The following SCARA5 variants were observed in gnomAD, a reference collection of about 807,000 sequenced individuals.
SCARA5 encodes scavenger receptor class A member 5, also known as scavenger receptor class A, member 5 (putative).
A neutral mutation model predicts 46.3 loss-of-function variants in SCARA5; 45 were observed. That is an observed-to-expected ratio of 0.97 (90% CI 0.76 to 1.24). SCARA5 has a LOEUF of 1.24. Among genes scored for constraint, SCARA5 ranks in the 50% most tolerant of loss-of-function variants. The pLI, the probability that SCARA5 is intolerant of heterozygous loss-of-function variation, is 0.00. For synonymous variants in SCARA5, 333 were observed against 306.5 expected (o/e 1.09, Z -0.90); for missense variants, 680 against 689.0 (o/e 0.99, Z 0.15).
At chr8:27,879,494 C>A (rs1163146593) in intron 8 of SCARA5, 75 bp downstream of exon 8, 5 of 1,429,766 alleles carry the variant, frequency 3.5e-6, no homozygotes, top group Non-Finnish European at 4.8e-6. Context: ...GGAAGGGACT[C>A]GGGCTTTGGA....
rs373060793 is a variant in SCARA5, at chr8:27,923,497, GC to G, written c.242-1253del. Among the ~76,000 whole-genome samples, 404 of 152,318 alleles carry G rather than the reference GC, an allele frequency of 2.7e-3. 2 individuals carry two copies. The highest frequency in any genetic ancestry group is 9.1e-3 in the African/African-American group (380 of 41,576). On this transcript the variant is annotated intron_variant, in intron 3 of 8. Coordinates refer to ENST00000354914, the MANE Select transcript of SCARA5 (RefSeq NM_173833.6). ...GGACAGACACAATCCAATGAAGACT[GC>G]TTTTATATTGATATGCTCCTTCTCT... is the stretch of plus-strand genomic sequence containing the variant.
At chr8:27,914,751 CT>C (rs1807434113) in intron 4 of SCARA5, among the ~76,000 whole-genome samples, 1 of 152,180 alleles carries the variant, frequency 6.6e-6, no homozygotes, top group Admixed American at 6.5e-5. Context: ...CCTGGGGTCC[CT>C]GCTCAGGCTT....
chr8:27,917,814 G>A (rs74888938), intron 4 of SCARA5, among the ~76,000 whole-genome samples: 14 of 152,204 alleles, frequency 9.2e-5, no homozygotes, highest in African/African-American at 2.6e-4. Context: ...TCCCTGCTAG[G>A]GGCAAGGGAG....
intron 3 of SCARA5, among the ~76,000 whole-genome samples, chr8:27,953,313 T>A (rs113270652): frequency 0.025 from 3,838 of 152,266 alleles, 151 homozygotes; most frequent in African/African-American, 0.087. Flanking sequence ...GAGGATGCGG[T>A]GGGCCACCCA....
chr8:27,890,964 G>C (rs1277764605), intron 7 of SCARA5, among the ~76,000 whole-genome samples: 1 of 152,172 alleles, frequency 6.6e-6, no homozygotes, highest in Non-Finnish European at 1.5e-5. Flanking sequence ...GGTGAGGGGA[G>C]CCCAGGGCAG....
chr8:27,907,047 C>T, intron 6 of SCARA5, 101 bp downstream of exon 6: 1 of 765,658 alleles, frequency 1.3e-6, no homozygotes, highest in Non-Finnish European at 2.1e-6. Context: ...CCCCGCTGGT[C>T]CGTGGCACAG....
intron 8 of SCARA5, among the ~76,000 whole-genome samples, chr8:27,872,308 G>T (rs1316623172): frequency 1.3e-5 from 2 of 152,214 alleles, no homozygotes. Flanking sequence ...TATCAGCTAT[G>T]TGTCAGAAGC....
At chr8:27,877,661 C>T (rs1413010893) in intron 8 of SCARA5, among the ~76,000 whole-genome samples, 3 of 152,224 alleles carry the variant, frequency 2.0e-5, no homozygotes, top group Non-Finnish European at 2.9e-5. Flanking sequence ...TCAACAACAA[C>T]GGTGGTTTTC....
intron 5 of SCARA5, among the ~76,000 whole-genome samples, chr8:27,908,032 C>T (rs1464410228): frequency 2.6e-5 from 4 of 151,972 alleles, no homozygotes; most frequent in Non-Finnish European, 4.4e-5. Context: ...TAAGTAACTG[C>T]CCAAGGTCAC....
At chr8:27,943,963 C>T (rs932158907) in intron 3 of SCARA5, among the ~76,000 whole-genome samples, 2 of 152,170 alleles carry the variant, frequency 1.3e-5, no homozygotes, top group African/African-American at 4.8e-5. Context: ...TTACCATTAC[C>T]AGTACAGGAA....
At chr8:27,906,252 G>C (rs561998004) in intron 6 of SCARA5, among the ~76,000 whole-genome samples, 95 of 152,336 alleles carry the variant, frequency 6.2e-4, no homozygotes, top group Middle Eastern at 3.4e-3. Flanking sequence ...CCTGGGGAAA[G>C]AGCATCAGAT....
chr8:27,947,708 TAAAAA>T (rs34760183), intron 3 of SCARA5, among the ~76,000 whole-genome samples: 1 of 112,910 alleles, frequency 8.9e-6, no homozygotes, highest in Non-Finnish European at 1.8e-5. Flanking sequence ...GTGTCTCTAC[TAAAAA>T]AAAAAAAAAA....
intron 3 of SCARA5, among the ~76,000 whole-genome samples, chr8:27,923,300 G>A (rs1807629928): frequency 6.6e-6 from 1 of 152,212 alleles, no homozygotes; most frequent in South Asian, 2.1e-4. Context: ...CTCACGTGCT[G>A]TGCCAACAGC....
chr8:27,927,493 G>T (rs1807699956), intron 3 of SCARA5, among the ~76,000 whole-genome samples: 1 of 151,936 alleles, frequency 6.6e-6, no homozygotes, highest in African/African-American at 2.4e-5. Flanking sequence ...TGATTTCTGG[G>T]TTTTTTCCCA....
At chr8:27,945,428 C>T (rs187835698) in intron 3 of SCARA5, among the ~76,000 whole-genome samples, 20 of 152,286 alleles carry the variant, frequency 1.3e-4, no homozygotes, top group Non-Finnish European at 1.3e-4. Context: ...ATTAATTGAC[C>T]AGGTCTAAGC....
chr8:27,976,828 G>T (rs1808531314), intron 2 of SCARA5, among the ~76,000 whole-genome samples: 1 of 152,110 alleles, frequency 6.6e-6, no homozygotes. Flanking sequence ...TGGGGATGAG[G>T]CGCCCTAGGA....
chr8:27,950,226 C>G (rs575941715), intron 3 of SCARA5, among the ~76,000 whole-genome samples: 1 of 152,166 alleles, frequency 6.6e-6, no homozygotes, highest in African/African-American at 2.4e-5. Flanking sequence ...GACACCCACA[C>G]GCTCTTTGCC....
intron 2 of SCARA5, among the ~76,000 whole-genome samples, chr8:27,972,497 G>A (rs568860562): frequency 6.6e-6 from 1 of 152,290 alleles, no homozygotes; most frequent in Admixed American, 6.5e-5. Flanking sequence ...GTGACATATT[G>A]CAAGAAGAAA....
intron 3 of SCARA5, among the ~76,000 whole-genome samples, chr8:27,947,175 C>A (rs1327139943): frequency 1.3e-5 from 2 of 152,140 alleles, no homozygotes. Context: ...CCACGTCCGG[C>A]TACCTTTTGT....
Sources: allele counts gnomAD v4.1 joint callset (sites outside exome capture counted in the v4.1 genomes callset), GRCh38; gene constraint gnomAD v4.1.1; transcripts MANE v1.5; gene names NCBI Gene and HGNC (gene_info 2026-07-23, HGNC 2026-07-21).